SLFN5: variants seen among roughly 807,000 people sequenced by gnomAD.
The protein encoded by SLFN5 is schlafen family member 5.
A neutral mutation model predicts 48.5 loss-of-function variants in SLFN5; 34 were observed. The observed-to-expected ratio is 0.70, with a 90% CI of 0.53 to 0.93. The LOEUF (loss-of-function observed/expected upper bound fraction) is 0.93. Ranked by LOEUF, SLFN5 falls within the 40% of genes least tolerant of loss-of-function variation. The pLI is 0.00. For missense variants in SLFN5, 1,006 were observed against 1,071.3 expected (o/e 0.94, Z 0.85); for synonymous variants, 387 against 396.2 (o/e 0.98, Z 0.28).
intron 3 of SLFN5, among the ~76,000 whole-genome samples, chr17:35,261,841 A>C (rs1373044479): frequency 6.6e-6 from 1 of 151,214 alleles, no homozygotes; most frequent in Non-Finnish European, 1.5e-5. Flanking sequence ...ACACCCAGCT[A>C]ATTTTTTTTG....
rs529918206 is a variant in SLFN5, at chr17:35,259,683, G to A, written c.993G>A (p.Trp331Ter). 2.5e-6 allele frequency: 4 copies of A among 1,599,922 alleles called. No homozygotes were observed. Among genetic ancestry groups the A allele is most frequent in the Non-Finnish European group, 3.4e-6 (4 of 1,179,668 alleles). Residue 331 changes from tryptophan to a stop codon, truncating the protein, a stop_gained, in exon 2 of 5, where the codon TGG becomes TGA. Coordinates refer to ENST00000299977, the MANE Select transcript of SLFN5 (RefSeq NM_144975.4). LOFTEE classifies it high-confidence loss of function. ...TGCCCACAAGAGAATGGACTGCTTG[G>A]ATGATGGAAGCTGACCCAGGTTAGG... ...RQLPTREWTAWMMEADPDLSR... is the reference protein window; with the variant it reads ...RQLPTREWTA
Position 35,265,830 on chromosome 17 carries a change from T to C in SLFN5, c.2618T>C (p.Leu873Pro), listed in dbSNP as rs1053620848. The change falls in exon 5 of 5, where the codon CTG becomes CCG. Residue 873 changes from leucine to proline, a missense_variant. Coordinates refer to ENST00000299977, the MANE Select transcript of SLFN5 (RefSeq NM_144975.4). Reference sequence around the variant, plus strand: ...CCACCGGCTGGGGCCTACAATCTTCTGCTCTGTTTGGCTTCTAGGGCAAAA... The same window carrying C: ...CCACCGGCTGGGGCCTACAATCTTCCGCTCTGTTTGGCTTCTAGGGCAAAA... The part of the protein sequence containing the change: ...VAPPAGAYNL[L>P]LCLASRAKRH... 2.5e-6 allele frequency: 4 copies of C among 1,613,832 alleles called. No individual in the cohort carries two copies. In the Admixed American group the frequency reaches 6.7e-5, roughly 27 times the overall value.
At position 35,261,049 on chromosome 17, in the gene SLFN5, A is replaced by AAG. The variant is rs1224127352; in HGVS notation, c.1091_1092insAG (p.His364GlnfsTer8). 21 of 1,613,930 alleles carry AAG rather than the reference A, an allele frequency of 1.3e-5. No homozygotes were observed. The highest frequency in any genetic ancestry group is 3.4e-6 in the Non-Finnish European group (4 of 1,179,914). On this transcript the variant is annotated frameshift_variant, in exon 3 of 5. Coordinates refer to ENST00000299977, the MANE Select transcript of SLFN5 (RefSeq NM_144975.4). LOFTEE classifies it high-confidence loss of function. ...CCCCGCAGCAAGCCTGTGTGCATTCATAAGAATTCGGAATGTCTGAAAGAG... is the reference window on the plus strand; with the variant it reads ...CCCCGCAGCAAGCCTGTGTGCATTCAAGTAAGAATTCGGAATGTCTGAAAGAG...
Sources: allele counts gnomAD v4.1 joint callset (sites outside exome capture counted in the v4.1 genomes callset), GRCh38; gene constraint gnomAD v4.1.1; transcripts MANE v1.5; gene names NCBI Gene and HGNC (gene_info 2026-07-23, HGNC 2026-07-21).